Variants in EYS observed in about 807,000 individuals in gnomAD.
EYS encodes the protein EGF-like photoreceptor maintenance factor, also known as protein eyes shut homolog.
A neutral mutation model predicts 282.1 loss-of-function variants in EYS; 250 were observed. The ratio of observed to expected loss-of-function variants is 0.89; its 90% confidence interval spans 0.80 to 0.98. The LOEUF is 0.98. Among genes scored for constraint, EYS ranks in the 50% least tolerant of loss-of-function variants. EYS has a pLI of 0.00. For missense variants in EYS, 4,016 were observed against 3,709.0 expected (o/e 1.08, Z -2.15); for synonymous variants, 1,355 against 1,282.9 (o/e 1.06, Z -1.20).
intron 15 of EYS, among the ~76,000 whole-genome samples, chr6:64,915,178 A>G (rs1236867144): frequency 6.6e-6 from 1 of 152,122 alleles, no homozygotes; most frequent in Non-Finnish European, 1.5e-5. Flanking sequence ...AAACAAAACA[A>G]ACAACTATAC....
chr6:64,050,977 T>C (rs545892724), intron 33 of EYS, among the ~76,000 whole-genome samples: 1 of 152,206 alleles, frequency 6.6e-6, no homozygotes, highest in African/African-American at 2.4e-5. Context: ...ACTTTTGTTA[T>C]GCATTTTTAT....
chr6:65,564,563 C>T (rs889453721), intron 2 of EYS, among the ~76,000 whole-genome samples: 1 of 152,144 alleles, frequency 6.6e-6, no homozygotes, highest in Admixed American at 6.5e-5. Flanking sequence ...GGAAAACTGG[C>T]TAGCCATATG....
chr6:64,977,706 C>T (rs1365510819), intron 14 of EYS, among the ~76,000 whole-genome samples: 2 of 151,260 alleles, frequency 1.3e-5, no homozygotes, highest in African/African-American at 4.9e-5. Flanking sequence ...TTTAAATTGC[C>T]CCTCCAGTGA....
intron 8 of EYS, among the ~76,000 whole-genome samples, chr6:65,357,573 C>G (rs1242156973): frequency 6.6e-6 from 1 of 151,786 alleles, no homozygotes; most frequent in Non-Finnish European, 1.5e-5. Context: ...TTGGATGAAC[C>G]AGATTTCCAG....
chr6:64,644,419 G>A (rs1390126199), intron 22 of EYS, among the ~76,000 whole-genome samples: 3 of 152,126 alleles, frequency 2.0e-5, no homozygotes, highest in Non-Finnish European at 4.4e-5. Context: ...CCAAGAGTAA[G>A]AGGAATTAAG....
chr6:65,042,691 T>C (rs1431483901), intron 13 of EYS, among the ~76,000 whole-genome samples: 1 of 151,446 alleles, frequency 6.6e-6, no homozygotes, highest in Non-Finnish European at 1.5e-5. Context: ...TCTTAAACAG[T>C]TGCATGTGTT....
chr6:64,969,613 T>G (rs1562280808), intron 14 of EYS, among the ~76,000 whole-genome samples: 1 of 152,096 alleles, frequency 6.6e-6, no homozygotes, highest in South Asian at 2.1e-4. Context: ...ACTAGGACTG[T>G]AGAAGAAGCC....
At chr6:65,211,987 A>G (rs1415483720) in intron 12 of EYS, among the ~76,000 whole-genome samples, 1 of 152,076 alleles carries the variant, frequency 6.6e-6, no homozygotes. Flanking sequence ...TAAGTACAAA[A>G]TTGAACACCA....
intron 22 of EYS, among the ~76,000 whole-genome samples, chr6:64,751,786 T>G (rs573907168): frequency 2.6e-5 from 4 of 152,280 alleles, no homozygotes; most frequent in Admixed American, 1.3e-4. Context: ...ACCTCTGCTA[T>G]CACAGCCCCA....
chr6:65,380,631 C>A (rs565504359), intron 8 of EYS, among the ~76,000 whole-genome samples: 11 of 152,016 alleles, frequency 7.2e-5, no homozygotes, highest in Admixed American at 2.0e-4. Context: ...GGGATCTAAT[C>A]AAAATGAAGA....
intron 2 of EYS, among the ~76,000 whole-genome samples, chr6:65,589,842 T>C (rs760275337): frequency 6.6e-6 from 1 of 151,980 alleles, no homozygotes; most frequent in Non-Finnish European, 1.5e-5. Context: ...TGGGGGGTGA[T>C]AATGGCCTAT....
In EYS at chr6:65,443,241, G is replaced by A. The variant is rs959834946; in HGVS notation, c.863-37874C>T. Among the ~76,000 whole-genome samples the A allele has an allele frequency of 1.3e-5, 2 of 149,616 alleles. 1 individual carries two copies. The highest frequency in any genetic ancestry group is 3.0e-5 in the Non-Finnish European group (2 of 66,974). ...ATATACACATGTATGTGAACATATA[G>A]ACATATGTGTATACATATATGCAAA... is the stretch of plus-strand genomic sequence containing the variant. On this transcript the variant is annotated intron_variant, in intron 5 of 42. Coordinates refer to ENST00000503581, the MANE Select transcript of EYS (RefSeq NM_001142800.2).
chr6:64,670,414 T>G (rs1450503659), intron 22 of EYS, among the ~76,000 whole-genome samples: 1 of 134,354 alleles, frequency 7.4e-6, no homozygotes, highest in East Asian at 2.4e-4. Flanking sequence ...AATAAATAAA[T>G]AAATAAATAA....
At chr6:64,436,519 T>C (rs1774753602) in intron 27 of EYS, among the ~76,000 whole-genome samples, 1 of 151,832 alleles carries the variant, frequency 6.6e-6, no homozygotes, top group Admixed American at 6.6e-5. Flanking sequence ...TCTAGATTCT[T>C]TTCCAGTATT....
In EYS at chr6:63,720,780, A is replaced by G. The variant is rs1472438554; in HGVS notation, c.9251T>C (p.Ile3084Thr). Residue 3084 changes from isoleucine (I) to threonine (T), a missense_variant, in exon 43 of 43, where the codon ATT (isoleucine) becomes ACT (threonine). Physicochemically the swap from Ile to Thr is moderately conservative, Grantham distance 89. Transcript: ENST00000503581. ...ATATTCAAAGCCCCCTAGATAACAA[A>G]TGCCATCATAGTTTAGAGCCACAAA... ...KNFVALNYDG[I>T]CYLGGFEYGR... The G allele has an allele frequency of 6.4e-7, 1 of 1,550,858 alleles. No homozygotes were observed. The highest frequency in any genetic ancestry group is 8.7e-7 in the Non-Finnish European group (1 of 1,146,446).
intron 12 of EYS, among the ~76,000 whole-genome samples, chr6:65,283,665 G>A (rs900768022): frequency 4.6e-5 from 7 of 151,560 alleles, no homozygotes; most frequent in African/African-American, 1.7e-4. Context: ...TATTCAAGTG[G>A]CTATTCATTT....
intron 26 of EYS, among the ~76,000 whole-genome samples, chr6:64,485,018 C>T (rs572925972): frequency 1.3e-5 from 2 of 151,644 alleles, no homozygotes; most frequent in South Asian, 2.1e-4. Context: ...ACAGTAGATG[C>T]TTGTGTCAGA....
chr6:65,064,538 G>A (rs1253829941), intron 12 of EYS, among the ~76,000 whole-genome samples: 2 of 142,922 alleles, frequency 1.4e-5, no homozygotes, highest in Non-Finnish European at 3.1e-5. Context: ...AATATACTCT[G>A]CTATATACTA....
chr6:63,906,005 G>A (rs1031968976), intron 35 of EYS, among the ~76,000 whole-genome samples: 57 of 152,156 alleles, frequency 3.7e-4, no homozygotes, highest in Admixed American at 1.3e-3. Flanking sequence ...AAGCTCATTT[G>A]AATGTCTGCT....
Sources: gnomAD v4.1 joint callset for allele counts (sites outside exome capture counted in the v4.1 genomes callset) on GRCh38, gnomAD v4.1.1 for gene constraint, MANE v1.5 for transcripts, NCBI Gene and HGNC (gene_info 2026-07-23, HGNC 2026-07-21) for gene names.